IQGAP3: variants seen among roughly 807,000 people sequenced by gnomAD.
IQGAP3 encodes ras GTPase-activating-like protein IQGAP3.
IQGAP3 carries 165 observed loss-of-function variants against 208.2 expected under a neutral mutation model. That is an observed-to-expected ratio of 0.79 (90% CI 0.70 to 0.90). The LOEUF is 0.90. Among genes scored for constraint, IQGAP3 ranks in the 40% least tolerant of loss-of-function variants. The pLI is 0.00. For synonymous variants in IQGAP3, 703 were observed against 803.6 expected (o/e 0.87, Z 2.12); for missense variants, 1,811 against 2,043.1 (o/e 0.89, Z 2.19).
chr1:156,547,237 G>A (rs1231140317), intron 19 of IQGAP3, among the ~76,000 whole-genome samples: 1 of 152,118 alleles, frequency 6.6e-6, no homozygotes, highest in East Asian at 1.9e-4. Flanking sequence ...AAATGGGAAG[G>A]GCTGGTAGGA....
chr1:156,566,841 TC>T (rs1425769090), intron 2 of IQGAP3, among the ~76,000 whole-genome samples: 1 of 151,234 alleles, frequency 6.6e-6, no homozygotes, highest in African/African-American at 2.4e-5. Flanking sequence ...ACATAGCTTC[TC>T]ACTCAGTCTA....
In IQGAP3 at chr1:156,533,765, G is replaced by A; in HGVS notation, c.3976+8C>T. On this transcript the variant is annotated splice_region_variant and intron_variant, in intron 31 of 37. Coordinates refer to ENST00000361170, the MANE Select transcript of IQGAP3 (RefSeq NM_178229.5). ...TAGCTGGCCTCAGCTGCTAAGGAGGGCACGTACCAATAAGGTCAGGGATGG... is the reference window on the plus strand; with the variant it reads ...TAGCTGGCCTCAGCTGCTAAGGAGGACACGTACCAATAAGGTCAGGGATGG... 3 of 1,610,622 alleles carry A rather than the reference G, an allele frequency of 1.9e-6. No individual in the cohort carries two copies. Among genetic ancestry groups the A allele is most frequent in the Non-Finnish European group, 2.5e-6 (3 of 1,177,804 alleles).
intron 22 of IQGAP3, among the ~76,000 whole-genome samples, chr1:156,541,235 T>C (rs573996260): frequency 1.6e-4 from 24 of 151,986 alleles, no homozygotes; most frequent in African/African-American, 5.8e-4. Flanking sequence ...CCTCTGATTA[T>C]CCTCCCAGAC....
rs369095510 is a variant in IQGAP3, at chr1:156,572,555, C to A, written c.-26G>T. On this transcript the variant is annotated 5_prime_UTR_variant, in exon 1 of 38. Coordinates refer to ENST00000361170, the MANE Select transcript of IQGAP3 (RefSeq NM_178229.5). ...GTTCCTCCTTCTTCCAGGTTTGAAT[C>A]TCCCGCCGTTGGGCCACCGCCCCTC... The A allele has an allele frequency of 2.4e-5, 39 of 1,612,546 alleles. No homozygotes were observed. Among genetic ancestry groups the A allele is most frequent in the African/African-American group, 1.3e-5 (1 of 74,950 alleles).
At chr1:156,565,773 C>T (rs555197818) in intron 4 of IQGAP3, among the ~76,000 whole-genome samples, 7 of 152,314 alleles carry the variant, frequency 4.6e-5, no homozygotes, top group African/African-American at 1.7e-4. Flanking sequence ...CAGCCTCCCA[C>T]CCCCTGCATA....
chr1:156,548,686 G>T lies in IQGAP3; in HGVS notation c.1888C>A (p.Arg630=), dbSNP rs147754283. The T allele has an allele frequency of 3.8e-5, 62 of 1,610,498 alleles. No homozygotes were observed. The African/African-American group carries it at 5.9e-4, about 15-fold the overall frequency. Reference sequence around the variant, plus strand: ...GCCACTGCGGGGTTCCTCAACACCCGCTCAGTCTGGGCTGCCTTGCCCTCC... The same window carrying T: ...GCCACTGCGGGGTTCCTCAACACCCTCTCAGTCTGGGCTGCCTTGCCCTCC... ...IKEGKAAQTE[R]VLRNPAVALR... The change falls in exon 17 of 38, where the codon CGG becomes AGG. Residue 630 remains arginine, a synonymous_variant. Coordinates refer to ENST00000361170, the MANE Select transcript of IQGAP3 (RefSeq NM_178229.5).
chr1:156,562,984 T>C, intron 8 of IQGAP3, 150 bp downstream of exon 8: 1 of 732,870 alleles, frequency 1.4e-6, no homozygotes, highest in Non-Finnish European at 2.3e-6. Flanking sequence ...CCAAGTTCCT[T>C]TCCTATTTCT....
chr1:156,531,385 A>T (rs1388357811), intron 32 of IQGAP3, 138 bp from the exon 33 acceptor site: 1 of 677,118 alleles, frequency 1.5e-6, no homozygotes, highest in Non-Finnish European at 2.7e-6. Context: ...AGAGCGAGGG[A>T]TAGGGGATGT....
intron 32 of IQGAP3, 105 bp downstream of exon 32, chr1:156,532,875 G>A (rs1045626521): frequency 8.1e-7 from 1 of 1,242,066 alleles, no homozygotes; most frequent in Non-Finnish European, 1.1e-6. Context: ...GAAGGATAAG[G>A]GAGCCCAGGA....
chr1:156,561,906 C>A lies in IQGAP3; in HGVS notation c.973G>T (p.Gly325Trp). 1 of 1,614,100 alleles carries A rather than the reference C, an allele frequency of 6.2e-7. No homozygotes were observed. Among genetic ancestry groups the A allele is most frequent in the Non-Finnish European group, 8.5e-7 (1 of 1,180,002 alleles). The change falls in exon 10 of 38, where the codon GGG (glycine) becomes TGG (tryptophan). Residue 325 changes from glycine to tryptophan, a missense_variant. Coordinates refer to ENST00000361170, the MANE Select transcript of IQGAP3 (RefSeq NM_178229.5). ...ALQDPALALR[G>W]VRRDFADWYL... ...CAGTCAGCAAAGTCTCTCCTCACCC[C>A]TCGCAGGGCCAGGGCAGGGTCTTGA...
chr1:156,535,278 G>T, intron 27 of IQGAP3, 31 bp from the exon 28 acceptor site: 4 of 1,475,744 alleles, frequency 2.7e-6, no homozygotes, highest in Non-Finnish European at 3.8e-6. Flanking sequence ...GCGCGTGGCT[G>T]TGCCTCTGCC....
chr1:156,555,729 A>G (rs1675794552), intron 12 of IQGAP3, among the ~76,000 whole-genome samples: 1 of 152,230 alleles, frequency 6.6e-6, no homozygotes, highest in Non-Finnish European at 1.5e-5. Context: ...GCAGCAGAGA[A>G]AGTAATTAAC....
chr1:156,544,779 AGAT>A (rs139444189), intron 19 of IQGAP3, among the ~76,000 whole-genome samples: 3,139 of 152,250 alleles, frequency 0.021, 95 homozygotes, highest in African/African-American at 0.071. Context: ...CAGTCCTAAA[AGAT>A]AATAAAGCAT....
chr1:156,539,646 C>A, intron 24 of IQGAP3, 109 bp from the exon 25 acceptor site: 1 of 1,266,912 alleles, frequency 7.9e-7, no homozygotes, highest in Non-Finnish European at 1.1e-6. Context: ...GAAAGCACTA[C>A]CACACTTTCT....
intron 27 of IQGAP3, among the ~76,000 whole-genome samples, chr1:156,536,280 A>G (rs542550190): frequency 6.6e-6 from 1 of 152,306 alleles, no homozygotes; most frequent in Non-Finnish European, 1.5e-5. Context: ...AAAAATAAAG[A>G]AAAACAAACA....
intron 7 of IQGAP3, 25 bp from the exon 8 acceptor site, chr1:156,563,337 T>C (rs1238058771): frequency 6.4e-7 from 1 of 1,564,436 alleles, no homozygotes; most frequent in African/African-American, 1.4e-5. Flanking sequence ...GGAAACAAGG[T>C]CAGGAGGCCA....
intron 27 of IQGAP3, 114 bp downstream of exon 27, chr1:156,537,067 C>T: frequency 8.6e-7 from 1 of 1,158,874 alleles, no homozygotes; most frequent in Non-Finnish European, 1.2e-6. Flanking sequence ...ACCCCTGGCT[C>T]CATCTCCCTC....
chr1:156,534,252 T>C (rs998837748), intron 29 of IQGAP3, 111 bp from the exon 30 acceptor site: 45 of 1,512,204 alleles, frequency 3.0e-5, no homozygotes, highest in Non-Finnish European at 3.4e-5. Context: ...CAATTTGGAC[T>C]CTCCAGTCTC....
intron 32 of IQGAP3, among the ~76,000 whole-genome samples, chr1:156,532,248 A>C (rs1469446465): frequency 2.6e-5 from 4 of 152,000 alleles, no homozygotes; most frequent in Non-Finnish European, 5.9e-5. Flanking sequence ...TTGGCCGGAC[A>C]TGATGGCGAG....
Sources: gnomAD v4.1 joint callset for allele counts (sites outside exome capture counted in the v4.1 genomes callset) on GRCh38, gnomAD v4.1.1 for gene constraint, MANE v1.5 for transcripts, NCBI Gene and HGNC (gene_info 2026-07-23, HGNC 2026-07-21) for gene names.